CALB1: variants seen among roughly 807,000 people sequenced by gnomAD.
CALB1 encodes the protein calbindin 1.
Under a neutral mutation model 46.7 loss-of-function variants are expected in CALB1, and 16 were observed. That is an observed-to-expected ratio of 0.34 (90% CI 0.23 to 0.52). CALB1 has a LOEUF of 0.52. CALB1 is among the 20% of genes least tolerant of loss of function. The pLI is 0.95. For synonymous variants in CALB1, 90 were observed against 112.8 expected (o/e 0.80, Z 1.28); for missense variants, 224 against 300.3 (o/e 0.75, Z 1.88).
chr8:90,082,472 G>T, intron 1 of CALB1, 147 bp downstream of exon 1: 2 of 695,248 alleles, frequency 2.9e-6, no homozygotes. Flanking sequence ...GCCAGTCGGG[G>T]AGATAAGAAG....
chr8:90,063,320 C>A lies in CALB1; in HGVS notation c.507G>T (p.Arg169Ser). 6.3e-7 allele frequency: 1 copy of A among 1,593,270 alleles called. No homozygotes were observed. The highest frequency in any genetic ancestry group is 8.6e-7 in the Non-Finnish European group (1 of 1,163,626). The change falls in exon 8 of 11, where the codon AGG becomes AGT. Residue 169 changes from arginine to serine, a missense_variant and splice_region_variant. Arg to Ser is a moderately radical substitution (Grantham distance 110). Coordinates refer to ENST00000265431, the MANE Select transcript of CALB1 (RefSeq NM_004929.4). ...GAAAATTCTCCTGCACTGGTAGTAA[C>A]CTTTTGAGAGAAAAACATTATATTA... ...DGKLELTEMA[R>S]LLPVQENFLL...
chr8:90,082,047 C>A lies in CALB1; in HGVS notation c.135G>T (p.Gln45His). 1 of 1,614,022 alleles carries A rather than the reference C, an allele frequency of 6.2e-7. No homozygotes were observed. The highest frequency in any genetic ancestry group is 8.5e-7 in the Non-Finnish European group (1 of 1,179,940). ...CTACCAATCCAGCCTTCTTTCGCGC[C>A]TGCTGGAGCTCCTGGATCAAGTTCT... ...ELQNLIQELQ[Q>H]ARKKAGLELS... The change falls in exon 2 of 11, where the codon CAG becomes CAT. Residue 45 changes from glutamine (Q) to histidine (H), a missense_variant. Coordinates refer to ENST00000265431, the MANE Select transcript of CALB1 (RefSeq NM_004929.4).
intron 3 of CALB1, among the ~76,000 whole-genome samples, chr8:90,073,712 T>G (rs150699522): frequency 1.2e-4 from 19 of 152,318 alleles, no homozygotes; most frequent in Non-Finnish European, 2.1e-4. Context: ...TTGGAGTAAG[T>G]TGAAATCCCT....
chr8:90,061,677 A>C (rs1385107862), intron 9 of CALB1: 1 of 152,116 alleles, frequency 6.6e-6, no homozygotes, highest in East Asian at 1.9e-4. Context: ...ATACACTAAA[A>C]ATCATAAAAT....
intron 2 of CALB1, among the ~76,000 whole-genome samples, chr8:90,079,534 A>G (rs956467490): frequency 6.6e-6 from 1 of 151,932 alleles, no homozygotes; most frequent in African/African-American, 2.4e-5. Flanking sequence ...CAGTTTTTTT[A>G]TTTTTACATA....
At chr8:90,062,136 A>G (rs1209224245) in intron 9 of CALB1, 2 of 152,076 alleles carry the variant, frequency 1.3e-5, no homozygotes, top group Non-Finnish European at 2.9e-5. Context: ...ATACAGACAC[A>G]TGCAAAATAA....
chr8:90,073,653 T>C (rs537918064), intron 3 of CALB1, among the ~76,000 whole-genome samples: 21 of 152,360 alleles, frequency 1.4e-4, no homozygotes, highest in African/African-American at 4.6e-4. Flanking sequence ...CAGGGGACTT[T>C]ACATCTCTCT....
chr8:90,075,859 CTA>C (rs1221291693), intron 3 of CALB1, among the ~76,000 whole-genome samples: 1 of 152,032 alleles, frequency 6.6e-6, no homozygotes, highest in African/African-American at 2.4e-5. Flanking sequence ...CCCCTTACTC[CTA>C]TGTCTTGGCT....
chr8:90,079,595 G>C (rs765985819), intron 2 of CALB1, among the ~76,000 whole-genome samples: 2 of 151,798 alleles, frequency 1.3e-5, no homozygotes, highest in Non-Finnish European at 2.9e-5. Flanking sequence ...TTTTAAAATG[G>C]TGTAATACCA....
At chr8:90,075,722 A>G (rs1814612052) in intron 3 of CALB1, among the ~76,000 whole-genome samples, 1 of 151,926 alleles carries the variant, frequency 6.6e-6, no homozygotes, top group Admixed American at 6.6e-5. Flanking sequence ...TTATTTTCAG[A>G]ATTTCTCTTT....
intron 3 of CALB1, among the ~76,000 whole-genome samples, chr8:90,074,697 G>T (rs1256827276): frequency 6.6e-6 from 1 of 152,182 alleles, no homozygotes. Context: ...AGAAGAGCTT[G>T]CTTCCCTGGG....
At chr8:90,069,096 T>C (rs1814452802) in intron 4 of CALB1, 42 bp from the exon 5 acceptor site, 1 of 1,610,074 alleles carries the variant, frequency 6.2e-7, no homozygotes, top group Non-Finnish European at 8.5e-7. Context: ...ACATTTTTAA[T>C]AAAAGGAACA....
intron 3 of CALB1, among the ~76,000 whole-genome samples, chr8:90,077,622 T>C (rs6470668): frequency 0.75 from 113,734 of 151,946 alleles, 42,803 homozygotes; most frequent in African/African-American, 0.82. Flanking sequence ...GAAACGTAGA[T>C]ATAAGGGAAG....
rs1814253579 is a variant in CALB1, at chr8:90,059,317, G to T, written c.*856C>A. 2 of 152,492 alleles carry T rather than the reference G, an allele frequency of 1.3e-5. No homozygotes were observed. The highest frequency in any genetic ancestry group is 1.3e-4 in the Admixed American group (2 of 15,260). The allele number at this position is 152,492 out of a possible 1,614,324, so 9.4% of individuals were successfully genotyped here. On this transcript the variant is annotated 3_prime_UTR_variant, in exon 11 of 11. Coordinates refer to ENST00000265431, the MANE Select transcript of CALB1 (RefSeq NM_004929.4). ...TCAGAGGCAGCAGATACCCTTGGTG[G>T]AAATGAACAGTTCTACATAGAAAGA...
chr8:90,069,756 A>G (rs1406757495), intron 3 of CALB1, among the ~76,000 whole-genome samples: 2 of 152,182 alleles, frequency 1.3e-5, no homozygotes, highest in African/African-American at 4.8e-5. Context: ...ATACAAGAGA[A>G]GATAAACCAA....
chr8:90,076,615 G>C (rs1814627698), intron 3 of CALB1, among the ~76,000 whole-genome samples: 1 of 151,754 alleles, frequency 6.6e-6, no homozygotes, highest in South Asian at 2.1e-4. Flanking sequence ...CGCCTTCTCT[G>C]TCCTCTTCTG....
At chr8:90,081,156 A>G (rs544705116) in intron 2 of CALB1, among the ~76,000 whole-genome samples, 43 of 152,304 alleles carry the variant, frequency 2.8e-4, no homozygotes, top group African/African-American at 1.0e-3. Flanking sequence ...ATTTATGCCC[A>G]AAGGGAGTCA....
intron 9 of CALB1, chr8:90,062,869 C>T (rs1031652274): frequency 2.7e-5 from 11 of 403,974 alleles, no homozygotes; most frequent in Admixed American, 1.7e-4. Flanking sequence ...AAAATAGTCA[C>T]ACTCATAAAG....
intron 3 of CALB1, among the ~76,000 whole-genome samples, chr8:90,071,548 G>A (rs952486761): frequency 4.6e-5 from 7 of 151,984 alleles, no homozygotes; most frequent in Non-Finnish European, 8.8e-5. Context: ...GGATTCTGAA[G>A]AATATCTCCT....
Sources: gnomAD v4.1 joint callset for allele counts (sites outside exome capture counted in the v4.1 genomes callset) on GRCh38, gnomAD v4.1.1 for gene constraint, MANE v1.5 for transcripts, NCBI Gene and HGNC (gene_info 2026-07-23, HGNC 2026-07-21) for gene names.